Variants in LDLRAP1 observed in about 807,000 individuals in gnomAD.
LDLRAP1 encodes low density lipoprotein receptor adapter protein 1.
In LDLRAP1, 30 loss-of-function variants were observed where a neutral mutation model predicts 37.8. That is an observed-to-expected ratio of 0.79 (90% CI 0.59 to 1.08). The LOEUF (loss-of-function observed/expected upper bound fraction) is 1.08, where lower values mean the gene tolerates loss of function less well. Ranked by LOEUF, LDLRAP1 falls within the 50% of genes least tolerant of loss-of-function variation. The probability of loss-of-function intolerance (pLI) is 0.00; values close to 1 mark genes in which losing one functional copy is unlikely to be tolerated. For synonymous variants in LDLRAP1, 156 were observed against 169.8 expected (o/e 0.92, Z 0.63); for missense variants, 375 against 401.6 (o/e 0.93, Z 0.57).
Position 25,555,053 on chromosome 1 carries a change from C to A in LDLRAP1, c.344+81C>A. 1.0e-6 allele frequency: 1 copy of A among 976,724 alleles called. No homozygotes were observed. Among genetic ancestry groups the A allele is most frequent in the Non-Finnish European group, 1.6e-6 (1 of 611,406 alleles). 60.5% of individuals were successfully genotyped at this position (976,724 alleles called of 1,614,324 possible). On this transcript the variant is annotated intron_variant, in intron 3 of 8. Transcript: ENST00000374338. This position sits in a 1 kb window ranked among gnomAD's most constrained non-coding sequence, Gnocchi z 4.7. The stretch of plus-strand genomic sequence containing the variant: ...GTATCCCATCTGAATCCAGGCTCTA[C>A]CACTTCCTACCTGGGTGACATTGGA...
chr1:25,574,044 C>T, the LDLRAP1 span, among the ~76,000 whole-genome samples: 2 of 152,196 alleles, frequency 1.3e-5, no homozygotes, highest in African/African-American at 2.4e-5. Context: ...GTGGCCTGGC[C>T]GGCAGCGCTG....
intron 8 of LDLRAP1, among the ~76,000 whole-genome samples, 191 bp downstream of exon 8, chr1:25,565,398 C>T (rs1408535102): frequency 2.6e-5 from 4 of 152,276 alleles, no homozygotes; most frequent in African/African-American, 2.4e-5. Flanking sequence ...CCCCTTCCAG[C>T]GTTGTCCAGA....
chr1:25,572,997 A>G (rs1477396732), downstream of LDLRAP1, among the ~76,000 whole-genome samples: 2 of 149,536 alleles, frequency 1.3e-5, no homozygotes, highest in Admixed American at 6.9e-5. Flanking sequence ...CAGACGGCCG[A>G]TTTTTAGCCG....
chr1:25,562,918 A>G, intron 5 of LDLRAP1, 152 bp from the exon 6 acceptor site: 1 of 857,868 alleles, frequency 1.2e-6, no homozygotes, highest in Non-Finnish European at 2.0e-6. Context: ...GCTTGTGAGG[A>G]TTAACTGACA....
chr1:25,578,430 T>C, the LDLRAP1 span, among the ~76,000 whole-genome samples: 468 of 152,222 alleles, frequency 3.1e-3, 4 homozygotes, highest in Non-Finnish European at 1.6e-3. Context: ...CATCTGGTGA[T>C]AGATTACAGA....
chr1:25,564,841 T>G, intron 7 of LDLRAP1: 2 of 348,132 alleles, frequency 5.7e-6, no homozygotes, highest in Non-Finnish European at 5.5e-6. Context: ...GCCCTCCTCT[T>G]ATTGAAGGAA....
At chr1:25,580,588 G>T in the LDLRAP1 span, among the ~76,000 whole-genome samples, 2 of 152,186 alleles carry the variant, frequency 1.3e-5, no homozygotes, top group African/African-American at 4.8e-5. Flanking sequence ...GCTCATTGCA[G>T]CCTTGACGTT....
intron 1 of LDLRAP1, among the ~76,000 whole-genome samples, chr1:25,552,176 G>C (rs2044087206): frequency 6.6e-6 from 1 of 152,182 alleles, no homozygotes; most frequent in Admixed American, 6.5e-5. Flanking sequence ...ATCCAGACTG[G>C]GTAGGGGACC....
rs367614019 is a variant in LDLRAP1, at chr1:25,555,028, G to T, written c.344+56G>T. On this transcript the variant is annotated intron_variant, in intron 3 of 8. Coordinates refer to ENST00000374338, the MANE Select transcript of LDLRAP1 (RefSeq NM_015627.3). The surrounding 1 kb of genome is among the most constrained non-coding windows in gnomAD (Gnocchi z 4.7). ...TCTGCCACTTGGGGCAGTGGGTGGA[G>T]TATCCCATCTGAATCCAGGCTCTAC... 5.8e-5 allele frequency: 74 copies of T among 1,269,824 alleles called. No homozygotes were observed. The East Asian group carries it at 1.2e-3, about 21-fold the overall frequency. The allele number at this position is 1,269,824 out of a possible 1,614,324, so 78.7% of individuals were successfully genotyped here.
chr1:25,565,264 T>C, intron 8 of LDLRAP1, 57 bp downstream of exon 8: 1 of 1,586,794 alleles, frequency 6.3e-7, no homozygotes, highest in Non-Finnish European at 8.7e-7. Context: ...CTGGCCCTGC[T>C]GCCCTTTCTC....
At chr1:25,570,471 T>C (rs944365537), downstream of LDLRAP1, among the ~76,000 whole-genome samples, 14 of 152,096 alleles carry the variant, frequency 9.2e-5, no homozygotes, top group Admixed American at 3.9e-4. Flanking sequence ...GGCTAGGGAA[T>C]AGGGGCAGAT....
chr1:25,563,950 C>A lies in LDLRAP1; in HGVS notation c.747+159C>A, dbSNP rs2044413670. 6.8e-6 allele frequency: 6 copies of A among 878,036 alleles called. No homozygotes were observed. The Admixed American group carries it at 8.2e-5, about 12-fold the overall frequency. The allele number at this position is 878,036 out of a possible 1,614,324, so 54.4% of individuals were successfully genotyped here. Reference sequence around the variant, plus strand: ...GCCCAGGCGCAGGATAGGGGATGAACAATGTCCCTTTTGAACCTGAGGCTG... The same window carrying A: ...GCCCAGGCGCAGGATAGGGGATGAAAAATGTCCCTTTTGAACCTGAGGCTG... On this transcript the variant is annotated intron_variant, in intron 7 of 8. Coordinates refer to ENST00000374338, the MANE Select transcript of LDLRAP1 (RefSeq NM_015627.3).
chr1:25,580,179 G>T, the LDLRAP1 span, among the ~76,000 whole-genome samples: 1 of 152,128 alleles, frequency 6.6e-6, no homozygotes, highest in Non-Finnish European at 1.5e-5. Flanking sequence ...GTAGGCTCCT[G>T]GTGGATGGAG....
chr1:25,555,018 AGTGGGTG>A lies in LDLRAP1; in HGVS notation c.344+48_344+54del. On this transcript the variant is annotated intron_variant, in intron 3 of 8. Transcript: ENST00000374338. The surrounding 1 kb of genome is among the most constrained non-coding windows in gnomAD (Gnocchi z 4.7). Reference sequence around the variant, plus strand: ...GCCCATCCACTCTGCCACTTGGGGCAGTGGGTGGAGTATCCCATCTGAATCCAGGCTC... The same window carrying A: ...GCCCATCCACTCTGCCACTTGGGGCAGAGTATCCCATCTGAATCCAGGCTC... The A allele has an allele frequency of 1.5e-6, 2 of 1,349,724 alleles. No homozygotes were observed. Among genetic ancestry groups the A allele is most frequent in the Non-Finnish European group, 2.1e-6 (2 of 941,522 alleles). 83.6% of individuals were successfully genotyped at this position (1,349,724 alleles called of 1,614,324 possible). A position where few individuals can be genotyped will look rare whatever the true frequency, so the allele number is the denominator to read the frequency against.
intron 1 of LDLRAP1, among the ~76,000 whole-genome samples, chr1:25,548,802 A>C (rs2044002201): frequency 1.3e-5 from 2 of 152,168 alleles, no homozygotes; most frequent in South Asian, 4.1e-4. Context: ...CTAGAACTAC[A>C]GGTGCACACT....
At chr1:25,587,670 G>A in the LDLRAP1 span, among the ~76,000 whole-genome samples, 1 of 152,210 alleles carries the variant, frequency 6.6e-6, no homozygotes, top group African/African-American at 2.4e-5. Context: ...TGTGCACATA[G>A]GCGTGGAGTG....
Position 25,563,140 on chromosome 1 carries a change from CT to C in LDLRAP1, c.604del (p.Ser202ProfsTer2), listed in dbSNP as rs2044386296. 27 of 1,606,366 alleles carry C rather than the reference CT, an allele frequency of 1.7e-5. No individual in the cohort carries two copies. The highest frequency in any genetic ancestry group is 2.2e-5 in the East Asian group (1 of 44,744). On this transcript the variant is annotated frameshift_variant, in exon 6 of 9. Coordinates refer to ENST00000374338, the MANE Select transcript of LDLRAP1 (RefSeq NM_015627.3). LOFTEE classifies it high-confidence loss of function. ...TGGGGGCCCGCCAAGACTGCACCCC[CT>C]CCTTGAAGAGCTGTGAGTCCTGACG... ...VLGARQDCTPSLKSLVATGNL... is the reference protein window; with the variant it reads ...VLGARQDCTPXLKSLVATGNL...
At chr1:25,549,714 G>A (rs565336008) in intron 1 of LDLRAP1, among the ~76,000 whole-genome samples, 218 of 152,102 alleles carry the variant, frequency 1.4e-3, no homozygotes, top group Non-Finnish European at 1.6e-3. Flanking sequence ...GGCTCCTCCC[G>A]GCAATAAGGC....
the LDLRAP1 span, among the ~76,000 whole-genome samples, chr1:25,582,403 G>C: frequency 1.8e-4 from 28 of 151,956 alleles, no homozygotes; most frequent in Non-Finnish European, 3.7e-4. Flanking sequence ...TGGCGAACAC[G>C]GTGAAACCCC....
Sources: allele counts gnomAD v4.1 joint callset (sites outside exome capture counted in the v4.1 genomes callset), GRCh38; gene constraint gnomAD v4.1.1; non-coding constraint Gnocchi (gnomAD v3.1); transcripts MANE v1.5; gene names NCBI Gene and HGNC (gene_info 2026-07-23, HGNC 2026-07-21).